The following CPNE8 variants were observed in gnomAD, a reference collection of about 807,000 sequenced individuals.
CPNE8 encodes copine 8, also known as copine-8.
A neutral mutation model predicts 81.5 loss-of-function variants in CPNE8; 45 were observed. The observed-to-expected ratio is 0.55, with a 90% CI of 0.44 to 0.71. The LOEUF (loss-of-function observed/expected upper bound fraction) is 0.71. Among genes scored for constraint, CPNE8 ranks in the 30% least tolerant of loss-of-function variants. The pLI, the probability that CPNE8 is intolerant of heterozygous loss-of-function variation, is 0.00. For synonymous variants in CPNE8, 252 were observed against 226.3 expected (o/e 1.11, Z -1.02); for missense variants, 594 against 672.1 (o/e 0.88, Z 1.28).
At chr12:38,715,077 T>C (rs974309205) in intron 13 of CPNE8, among the ~76,000 whole-genome samples, 3 of 150,836 alleles carry the variant, frequency 2.0e-5, no homozygotes, top group African/African-American at 7.4e-5. Flanking sequence ...GATTCCATTA[T>C]TTTTTTGTGA....
In CPNE8 at chr12:38,803,411, T is replaced by A. The variant is rs1054324369; in HGVS notation, c.407+25968A>T. 4.0e-5 allele frequency among the ~76,000 whole-genome samples: 6 copies of A among 150,000 alleles called. No individual in the cohort carries two copies. The South Asian group carries it at 6.6e-4, about 16-fold the overall frequency. ...AACACAACCAAAGACAAAAACCACATGATTATCTCAATAGATGCAGAAAAA... is the reference window on the plus strand; with the variant it reads ...AACACAACCAAAGACAAAAACCACAAGATTATCTCAATAGATGCAGAAAAA... On this transcript the variant is annotated intron_variant, in intron 6 of 19. Coordinates refer to ENST00000331366, the MANE Select transcript of CPNE8 (RefSeq NM_153634.3).
chr12:38,775,010 C>CA (rs1328524746), intron 7 of CPNE8, among the ~76,000 whole-genome samples: 1 of 152,174 alleles, frequency 6.6e-6, no homozygotes, highest in African/African-American at 2.4e-5. Flanking sequence ...GGTATGTAAT[C>CA]AGCTGTAATA....
At chr12:38,700,822 T>C (rs2136686754) in intron 14 of CPNE8, among the ~76,000 whole-genome samples, 1 of 152,232 alleles carries the variant, frequency 6.6e-6, no homozygotes, top group Non-Finnish European at 1.5e-5. Flanking sequence ...GATCTGATGG[T>C]CTTATAAAGG....
intron 10 of CPNE8, among the ~76,000 whole-genome samples, chr12:38,755,458 A>G (rs982395468): frequency 6.6e-6 from 1 of 152,162 alleles, no homozygotes; most frequent in African/African-American, 2.4e-5. Flanking sequence ...ATTCAGCTGA[A>G]AAAACTTCAA....
intron 10 of CPNE8, among the ~76,000 whole-genome samples, chr12:38,749,197 T>A (rs1032161420): frequency 1.1e-4 from 16 of 152,182 alleles, no homozygotes; most frequent in Admixed American, 5.2e-4. Flanking sequence ...ACAAGTTACC[T>A]CTTTGCCTGC....
chr12:38,677,928 T>A (rs919147268), intron 16 of CPNE8, among the ~76,000 whole-genome samples: 1 of 152,234 alleles, frequency 6.6e-6, no homozygotes, highest in East Asian at 1.9e-4. Flanking sequence ...TGAAAGTTAT[T>A]TTCTTAGCTT....
chr12:38,794,217 A>G (rs1370167212), intron 6 of CPNE8, among the ~76,000 whole-genome samples: 2 of 152,228 alleles, frequency 1.3e-5, no homozygotes, highest in African/African-American at 4.8e-5. Context: ...ATTAAGTTTA[A>G]GAACTTTTGT....
chr12:38,753,909 T>C (rs1941405444), intron 10 of CPNE8, among the ~76,000 whole-genome samples: 1 of 152,204 alleles, frequency 6.6e-6, no homozygotes, highest in Non-Finnish European at 1.5e-5. Context: ...GTACTATTCA[T>C]GGTTTCAGGC....
At chr12:38,842,569 C>CTTTTTT (rs769891980) in intron 4 of CPNE8, among the ~76,000 whole-genome samples, 4 of 110,828 alleles carry the variant, frequency 3.6e-5, no homozygotes, top group African/African-American at 1.1e-4. Flanking sequence ...AACATTTTTC[C>CTTTTTT]TTTTTTTTTT....
chr12:38,691,733 T>G (rs899181158), intron 15 of CPNE8, among the ~76,000 whole-genome samples: 2 of 152,172 alleles, frequency 1.3e-5, no homozygotes, highest in Non-Finnish European at 1.5e-5. Context: ...CTCACAGTTT[T>G]GGAGGCTGGA....
At chr12:38,898,967 T>C (rs1012633610) in intron 1 of CPNE8, among the ~76,000 whole-genome samples, 1 of 152,094 alleles carries the variant, frequency 6.6e-6, no homozygotes, top group Admixed American at 6.6e-5. Flanking sequence ...AATAAAAGTG[T>C]AGAGAGAACC....
intron 6 of CPNE8, among the ~76,000 whole-genome samples, chr12:38,797,542 C>T (rs1202440090): frequency 6.6e-6 from 1 of 152,100 alleles, no homozygotes; most frequent in African/African-American, 2.4e-5. Flanking sequence ...ACCAAAACCC[C>T]ATCTGTACAT....
At chr12:38,813,438 G>C (rs1415087750) in intron 6 of CPNE8, among the ~76,000 whole-genome samples, 1 of 152,186 alleles carries the variant, frequency 6.6e-6, no homozygotes, top group Non-Finnish European at 1.5e-5. Flanking sequence ...AAACTGTCTA[G>C]TGATGCTATC....
chr12:38,884,564 G>A (rs998204465), intron 1 of CPNE8, among the ~76,000 whole-genome samples: 2 of 152,094 alleles, frequency 1.3e-5, no homozygotes, highest in African/African-American at 4.8e-5. Context: ...CAGAATTGCT[G>A]GGTCCTATGG....
chr12:38,784,967 G>A (rs990237561), intron 6 of CPNE8, among the ~76,000 whole-genome samples: 4 of 152,106 alleles, frequency 2.6e-5, no homozygotes, highest in African/African-American at 7.2e-5. Flanking sequence ...GGCTGAGGTG[G>A]GCAGATCACC....
At chr12:38,903,234 A>G (rs1944515453) in intron 1 of CPNE8, among the ~76,000 whole-genome samples, 1 of 152,272 alleles carries the variant, frequency 6.6e-6, no homozygotes, top group South Asian at 2.1e-4. Context: ...TATCGTAAAT[A>G]GTAAGCTGAG....
intron 3 of CPNE8, among the ~76,000 whole-genome samples, chr12:38,858,205 CT>C (rs1367683690): frequency 1.3e-5 from 2 of 152,152 alleles, no homozygotes; most frequent in East Asian, 3.9e-4. Context: ...GCAAAACTAC[CT>C]TTTGTCCTAA....
intron 1 of CPNE8, among the ~76,000 whole-genome samples, chr12:38,902,322 A>AAG: frequency 1.5e-5 from 1 of 67,672 alleles, no homozygotes; most frequent in Non-Finnish European, 2.6e-5. Flanking sequence ...GAAGGAAAGA[A>AAG]AGAAAGAAAG....
intron 6 of CPNE8, among the ~76,000 whole-genome samples, chr12:38,823,656 T>G (rs773608703): frequency 2.0e-5 from 3 of 152,170 alleles, no homozygotes; most frequent in African/African-American, 2.4e-5. Context: ...TCCTTTTATA[T>G]GGAACCACTC....
Sources: gnomAD v4.1 joint callset for allele counts (sites outside exome capture counted in the v4.1 genomes callset) on GRCh38, gnomAD v4.1.1 for gene constraint, MANE v1.5 for transcripts, NCBI Gene and HGNC (gene_info 2026-07-23, HGNC 2026-07-21) for gene names.